The following MYH10 variants were observed in gnomAD, a reference collection of about 807,000 sequenced individuals.
The protein encoded by MYH10 is myosin heavy chain 10.
Under a neutral mutation model 257.8 loss-of-function variants are expected in MYH10, and 55 were observed. The ratio of observed to expected loss-of-function variants is 0.21; its 90% CI spans 0.17 to 0.27. The LOEUF is 0.27. Ranked by LOEUF, MYH10 falls within the 10% of genes least tolerant of loss-of-function variation. The pLI is 1.00. For missense variants in MYH10, 1,631 were observed against 2,500.6 expected (o/e 0.65, Z 7.42); for synonymous variants, 854 against 921.7 (o/e 0.93, Z 1.33).
intron 24 of MYH10, 91 bp from the exon 25 acceptor site, chr17:8,510,040 A>T (rs976479852): frequency 7.6e-5 from 69 of 910,840 alleles, no homozygotes; most frequent in Middle Eastern, 3.5e-4. Flanking sequence ...TGAGATACTA[A>T]TTTTTTTTTT....
chr17:8,577,454 T>C, intron 4 of MYH10, 116 bp from the exon 5 acceptor site: 1 of 533,192 alleles, frequency 1.9e-6, no homozygotes. Context: ...ATAAAAAGAA[T>C]AAATAGAAAA....
intron 11 of MYH10, 114 bp downstream of exon 11, chr17:8,548,199 C>T: frequency 1.4e-6 from 1 of 696,152 alleles, no homozygotes. Context: ...TCACTCTACT[C>T]AAGGGTCCCT....
At chr17:8,626,961 A>G (rs2085706139) in intron 1 of MYH10, among the ~76,000 whole-genome samples, 1 of 152,224 alleles carries the variant, frequency 6.6e-6, no homozygotes, top group Non-Finnish European at 1.5e-5. Context: ...GTCTAGAAGC[A>G]GTAGATTATA....
chr17:8,583,747 T>C (rs2083795307), intron 4 of MYH10, among the ~76,000 whole-genome samples: 1 of 152,240 alleles, frequency 6.6e-6, no homozygotes, highest in Admixed American at 6.5e-5. Context: ...TATCATTACT[T>C]AATGTAATAT....
At chr17:8,607,997 G>A (rs2084877740) in intron 2 of MYH10, among the ~76,000 whole-genome samples, 1 of 152,116 alleles carries the variant, frequency 6.6e-6, no homozygotes, top group South Asian at 2.1e-4. Context: ...CAAAAGGAGA[G>A]ATAAAGGAAT....
chr17:8,585,303 T>TATATATATATATATATATATATAC (rs2083872403), intron 4 of MYH10, among the ~76,000 whole-genome samples: 2 of 143,728 alleles, frequency 1.4e-5, no homozygotes, highest in African/African-American at 5.1e-5. Context: ...TATATATATA[T>TATATATATATATATATATATATAC]ATAGCTACAT....
At chr17:8,546,489 T>C (rs1431428184) in intron 12 of MYH10, 55 bp downstream of exon 12, 3 of 1,413,612 alleles carry the variant, frequency 2.1e-6, no homozygotes, top group African/African-American at 1.4e-5. Context: ...GAAGGCCAAA[T>C]GGCCATGGCT....
intron 19 of MYH10, among the ~76,000 whole-genome samples, chr17:8,520,022 TAC>T (rs2081600439): frequency 6.6e-6 from 1 of 152,178 alleles, no homozygotes; most frequent in Non-Finnish European, 1.5e-5. Context: ...TGCACATGTA[TAC>T]ACATACATTG....
intron 3 of MYH10, among the ~76,000 whole-genome samples, chr17:8,602,227 C>T (rs1048611829): frequency 3.9e-5 from 6 of 152,206 alleles, no homozygotes; most frequent in African/African-American, 1.4e-4. Flanking sequence ...ATCCGCTGGC[C>T]TCAGCCTCCC....
intron 21 of MYH10, among the ~76,000 whole-genome samples, chr17:8,514,883 G>A (rs561028048): frequency 6.6e-6 from 1 of 152,142 alleles, no homozygotes; most frequent in African/African-American, 2.4e-5. Flanking sequence ...CAAGTGCCTG[G>A]CACGCTGCAC....
chr17:8,607,626 T>TA (rs2084861166), intron 2 of MYH10, among the ~76,000 whole-genome samples: 1 of 152,208 alleles, frequency 6.6e-6, no homozygotes, highest in East Asian at 1.9e-4. Flanking sequence ...ACTGCACCAG[T>TA]TCTGTCTTCC....
At chr17:8,629,841 G>A (rs886358069) in intron 1 of MYH10, among the ~76,000 whole-genome samples, 8 of 151,576 alleles carry the variant, frequency 5.3e-5, no homozygotes, top group Non-Finnish European at 1.2e-4. Flanking sequence ...CCCCGGCCTA[G>A]GCGCTCCACG....
At chr17:8,559,131 C>T (rs1280600490) in intron 7 of MYH10, among the ~76,000 whole-genome samples, 1 of 152,142 alleles carries the variant, frequency 6.6e-6, no homozygotes, top group African/African-American at 2.4e-5. Flanking sequence ...AAATTCTAGG[C>T]TATCACCTGG....
Position 8,477,599 on chromosome 17 carries a change from G to A in MYH10, c.5707-551C>T, listed in dbSNP as rs190387632. The stretch of plus-strand genomic sequence containing the variant: ...CTGGTCAGTGCTTCGTGGGTCCAGC[G>A]CACACCACCCTCAACTGTGCTCCGT... On this transcript the variant is annotated intron_variant, in intron 41 of 42. Transcript: ENST00000360416. The surrounding 1 kb of genome is among the most constrained non-coding windows in gnomAD (Gnocchi z 4.2). Among the ~76,000 whole-genome samples the A allele has an allele frequency of 4.5e-4, 69 of 152,252 alleles. No individual in the cohort carries two copies. The East Asian group carries it at 0.012, about 26-fold the overall frequency.
intron 38 of MYH10, 184 bp from the exon 39 acceptor site, chr17:8,480,709 C>T: frequency 1.4e-6 from 1 of 734,528 alleles, no homozygotes. Flanking sequence ...CAAACACCCT[C>T]CCCCGCTGCC....
chr17:8,577,472 A>ACTGCTGATAGTTATTTT, intron 4 of MYH10, 134 bp from the exon 5 acceptor site: 1 of 493,874 alleles, frequency 2.0e-6, no homozygotes, highest in Non-Finnish European at 3.6e-6. Flanking sequence ...AAAAATAACT[A>ACTGCTGATAGTTATTTT]TCAGCAGTAG....
chr17:8,478,296 C>A (rs754480258), intron 41 of MYH10, 42 bp downstream of exon 41: 1 of 1,532,306 alleles, frequency 6.5e-7, no homozygotes, highest in South Asian at 1.1e-5. Context: ...TCCACCAGTT[C>A]CTTTGCTCAC....
intron 23 of MYH10, 109 bp downstream of exon 23, chr17:8,513,429 T>G: frequency 9.0e-5 from 132 of 1,463,098 alleles, no homozygotes; most frequent in Non-Finnish European, 1.1e-4. Context: ...TAAAATAAGA[T>G]GATATGGTGG....
chr17:8,499,660 C>T (rs1045559778), intron 29 of MYH10, among the ~76,000 whole-genome samples, 184 bp from the exon 30 acceptor site: 6 of 152,146 alleles, frequency 3.9e-5, no homozygotes, highest in South Asian at 2.1e-4. Context: ...AAGGAACACA[C>T]GCGTACACAC....
Sources: gnomAD v4.1 joint callset for allele counts (sites outside exome capture counted in the v4.1 genomes callset) on GRCh38, gnomAD v4.1.1 for gene constraint, Gnocchi (gnomAD v3.1) non-coding constraint, MANE v1.5 for transcripts, NCBI Gene and HGNC (gene_info 2026-07-23, HGNC 2026-07-21) for gene names.